The following ETNK2 variants were observed in gnomAD, a reference collection of about 807,000 sequenced individuals.
The protein encoded by ETNK2 is ethanolamine kinase 2.
ETNK2 carries 33 observed loss-of-function variants against 46.2 expected under a neutral mutation model. That is an observed-to-expected ratio of 0.71 (90% CI 0.54 to 0.96). ETNK2 has a LOEUF of 0.96. Ranked by LOEUF, ETNK2 falls within the 40% of genes least tolerant of loss-of-function variation. The probability of loss-of-function intolerance (pLI) is 0.00; values close to 1 mark genes in which losing one functional copy is unlikely to be tolerated. For missense variants in ETNK2, 445 were observed against 509.7 expected (o/e 0.87, Z 1.22); for synonymous variants, 194 against 209.0 (o/e 0.93, Z 0.62).
Position 204,151,891 on chromosome 1 carries a change from TA to T in ETNK2, c.-40del. On this transcript the variant is annotated 5_prime_UTR_variant, in exon 1 of 8. An upstream open reading frame in the 5' UTR loses its in-frame stop. Transcript: ENST00000367202. The surrounding 1 kb of genome is among the most constrained non-coding windows in gnomAD (Gnocchi z 8.0). ...ACCCCCTCGGAGCCGCGGCAGACGC[TA>T]GCCCCGGCGGGGGGGTCCGGCGAGG... is the stretch of plus-strand genomic sequence containing the variant. The T allele has an allele frequency of 7.1e-7, 1 of 1,408,894 alleles. No homozygotes were observed. The highest frequency in any genetic ancestry group is 1.5e-5 in the South Asian group (1 of 64,932). 87.3% of individuals were successfully genotyped at this position (1,408,894 alleles called of 1,614,324 possible). A position where few individuals can be genotyped will look rare whatever the true frequency, so the allele number is the denominator to read the frequency against.
At chr1:204,148,317 C>T (rs1165030796) in intron 2 of ETNK2, among the ~76,000 whole-genome samples, 3 of 152,106 alleles carry the variant, frequency 2.0e-5, no homozygotes, top group South Asian at 2.1e-4. Context: ...TAATTGTTTG[C>T]GTGACAGGAT....
At chr1:204,144,604 T>A (rs1343051941) in intron 3 of ETNK2, among the ~76,000 whole-genome samples, 1 of 152,118 alleles carries the variant, frequency 6.6e-6, no homozygotes, top group Non-Finnish European at 1.5e-5. Flanking sequence ...CTGACCTGAA[T>A]CTCTGACTCA....
Position 204,151,840 on chromosome 1 carries a change from G to T in ETNK2, c.13C>A (p.Pro5Thr). 6.9e-7 allele frequency: 1 copy of T among 1,456,426 alleles called. No individual in the cohort carries two copies. The highest frequency in any genetic ancestry group is 9.0e-7 in the Non-Finnish European group (1 of 1,108,660). 90.2% of individuals were successfully genotyped at this position (1,456,426 alleles called of 1,614,324 possible). A position where few individuals can be genotyped will look rare whatever the true frequency, so the allele number is the denominator to read the frequency against. MAVP[P>T]SAPQPRASFH... is the part of the protein sequence containing the mutation. The stretch of plus-strand genomic sequence containing the variant: ...GACGCGCGCGGCTGAGGGGCCGAAG[G>T]GGGCACAGCCATTCCCAGCAGCCCC... The change falls in exon 1 of 8, where the codon CCT becomes ACT. Residue 5 changes from proline (P) to threonine (T), a missense_variant. By Grantham distance (38) the Pro-to-Thr change is conservative. Coordinates refer to ENST00000367202, the MANE Select transcript of ETNK2 (RefSeq NM_018208.4). This position sits in a 1 kb window ranked among gnomAD's most constrained non-coding sequence, Gnocchi z 8.0.
chr1:204,144,889 A>C (rs1657718444), intron 3 of ETNK2, among the ~76,000 whole-genome samples: 1 of 152,160 alleles, frequency 6.6e-6, no homozygotes, highest in Non-Finnish European at 1.5e-5. Context: ...TTCCACCCCC[A>C]GCATACATTA....
chr1:204,137,004 C>T (rs1657311122), intron 6 of ETNK2, 100 bp downstream of exon 6: 13 of 1,508,764 alleles, frequency 8.6e-6, no homozygotes, highest in Non-Finnish European at 1.1e-5. Flanking sequence ...TCCCCAGGCT[C>T]TCACCTGACC....
chr1:204,133,126 T>G (rs1264951754), intron 7 of ETNK2, among the ~76,000 whole-genome samples: 1 of 152,242 alleles, frequency 6.6e-6, no homozygotes, highest in Non-Finnish European at 1.5e-5. Flanking sequence ...ATGTATAGAC[T>G]ATATTTTATT....
chr1:204,151,927 T>C lies in ETNK2; in HGVS notation c.-75A>G, dbSNP rs1351434800. The C allele has an allele frequency of 2.2e-6, 3 of 1,376,768 alleles. No individual in the cohort carries two copies. In the African/African-American group the frequency reaches 4.7e-5, roughly 22 times the overall value. 85.3% of individuals were successfully genotyped at this position (1,376,768 alleles called of 1,614,324 possible). On this transcript the variant is annotated 5_prime_UTR_variant, in exon 1 of 8. Transcript: ENST00000367202. This position sits in a 1 kb window ranked among gnomAD's most constrained non-coding sequence, Gnocchi z 8.0. The stretch of plus-strand genomic sequence containing the variant: ...GGGGGGTCCGGCGAGGGAGTGGGAG[T>C]GGTAGAGGAGGGGCCAGGGGAAGTC...
intron 3 of ETNK2, among the ~76,000 whole-genome samples, chr1:204,145,079 A>C (rs1350797981): frequency 6.6e-6 from 1 of 152,206 alleles, no homozygotes; most frequent in Non-Finnish European, 1.5e-5. Context: ...CAATGCCTGG[A>C]GCTCCAGGTG....
intron 7 of ETNK2, among the ~76,000 whole-genome samples, chr1:204,133,537 T>TTATTTTATTTA (rs1553300914): frequency 0.038 from 5,429 of 141,516 alleles, 152 homozygotes; most frequent in Non-Finnish European, 0.058. Flanking sequence ...TTATTTTATT[T>TTATTTTATTTA]TTTTTTTTTT....
chr1:204,142,149 A>G (rs1657576609), intron 3 of ETNK2: 1 of 152,566 alleles, frequency 6.6e-6, no homozygotes, highest in Admixed American at 6.5e-5. Context: ...AAGCAAACTA[A>G]GAGCTTCTTT....
At position 204,151,871 on chromosome 1, in the gene ETNK2, C is replaced by G. The variant is rs1658021137; in HGVS notation, c.-19G>C. ...CAGCCATTCCCAGCAGCCCCACCCC[C>G]TCGGAGCCGCGGCAGACGCTAGCCC... On this transcript the variant is annotated 5_prime_UTR_variant, in exon 1 of 8. Coordinates refer to ENST00000367202, the MANE Select transcript of ETNK2 (RefSeq NM_018208.4). The surrounding 1 kb of genome is among the most constrained non-coding windows in gnomAD (Gnocchi z 8.0). The G allele has an allele frequency of 1.4e-6, 2 of 1,420,438 alleles. No individual in the cohort carries two copies. The highest frequency in any genetic ancestry group is 1.8e-6 in the Non-Finnish European group (2 of 1,092,762). 88.0% of individuals were successfully genotyped at this position (1,420,438 alleles called of 1,614,324 possible).
chr1:204,146,934 T>G, intron 2 of ETNK2, 170 bp from the exon 3 acceptor site: 1 of 811,666 alleles, frequency 1.2e-6, no homozygotes, highest in South Asian at 1.5e-5. Flanking sequence ...AGAAGGAAGG[T>G]CTCAGCAGAA....
chr1:204,140,849 G>C (rs1349998229), intron 4 of ETNK2, among the ~76,000 whole-genome samples: 1 of 146,254 alleles, frequency 6.8e-6, no homozygotes, highest in Non-Finnish European at 1.5e-5. Flanking sequence ...TTTAAATAGG[G>C]TCTTGCTCTG....
intron 5 of ETNK2, chr1:204,138,699 C>G (rs1657381885): frequency 6.6e-6 from 1 of 152,208 alleles, no homozygotes; most frequent in African/African-American, 2.4e-5. Flanking sequence ...CCTCTCTATC[C>G]TGAGCCACAG....
At chr1:204,149,482 T>A (rs183531867) in intron 2 of ETNK2, among the ~76,000 whole-genome samples, 1 of 152,216 alleles carries the variant, frequency 6.6e-6, no homozygotes, top group South Asian at 2.1e-4. Flanking sequence ...TGCTCCCATG[T>A]TCATCACAAT....
chr1:204,150,927 A>C (rs1449015159), intron 1 of ETNK2: 1 of 152,634 alleles, frequency 6.6e-6, no homozygotes, highest in Non-Finnish European at 1.5e-5. Context: ...CTCCACAGGC[A>C]GCCCACAGCG....
rs1243942958 is a variant in ETNK2, at chr1:204,134,577, G to A, written c.1026C>T (p.Phe342=). 1 of 1,614,066 alleles carries A rather than the reference G, an allele frequency of 6.2e-7. No homozygotes were observed. Among genetic ancestry groups the A allele is most frequent in the East Asian group, 2.2e-5 (1 of 44,886 alleles). The change falls in exon 7 of 8, where the codon TTC becomes TTT. Residue 342 remains phenylalanine (F), a synonymous_variant. Coordinates refer to ENST00000367202, the MANE Select transcript of ETNK2 (RefSeq NM_018208.4). ...QVNKFALASH[F]FWALWALIQN... ...GGATGAGGGCCCAGAGAGCCCAGAA[G>A]AAGTGAGACGCCTGGAAACAGACCA...
chr1:204,149,182 G>C (rs543038937), intron 2 of ETNK2, among the ~76,000 whole-genome samples: 3 of 152,320 alleles, frequency 2.0e-5, no homozygotes, highest in South Asian at 2.1e-4. Context: ...AGGAGGCCTT[G>C]ACAGTTCCCC....
rs947271142 is a variant in ETNK2, at chr1:204,152,009, C to G, written c.-157G>C. The G allele has an allele frequency of 9.3e-5, 71 of 767,566 alleles. No individual in the cohort carries two copies. The highest frequency in any genetic ancestry group is 1.2e-4 in the Non-Finnish European group (66 of 563,228). The allele number at this position is 767,566 out of a possible 1,614,324, so 47.5% of individuals were successfully genotyped here. A position where few individuals can be genotyped will look rare whatever the true frequency, so the allele number is the denominator to read the frequency against. Reference sequence around the variant, plus strand: ...CGCCGGCTCGCGGCCCGCCGCCCACCGCCGACCCCGGAGCGCCGCGGCCCG... The same window carrying G: ...CGCCGGCTCGCGGCCCGCCGCCCACGGCCGACCCCGGAGCGCCGCGGCCCG... On this transcript the variant is annotated 5_prime_UTR_variant, in exon 1 of 8. Transcript: ENST00000367202. The surrounding 1 kb of genome is among the most constrained non-coding windows in gnomAD (Gnocchi z 4.2).
Sources: gnomAD v4.1 joint callset for allele counts (sites outside exome capture counted in the v4.1 genomes callset) on GRCh38, gnomAD v4.1.1 for gene constraint, Gnocchi (gnomAD v3.1) non-coding constraint, MANE v1.5 for transcripts, NCBI Gene and HGNC (gene_info 2026-07-23, HGNC 2026-07-21) for gene names.